Variants in SLC24A3 observed in about 807,000 individuals in gnomAD.
SLC24A3 encodes sodium/potassium/calcium exchanger 3.
A neutral mutation model predicts 75.8 loss-of-function variants in SLC24A3; 28 were observed. That is an observed-to-expected ratio of 0.37 (90% CI 0.27 to 0.51). The LOEUF is 0.51. SLC24A3 is among the 20% of genes least tolerant of loss of function. The probability of loss-of-function intolerance (pLI) is 0.94; values close to 1 mark genes in which losing one functional copy is unlikely to be tolerated. For missense variants in SLC24A3, 663 were observed against 847.8 expected, an observed-to-expected ratio of 0.78 and a Z score of 2.71; for synonymous variants, 372 against 334.1, an observed-to-expected ratio of 1.11 and a Z score of -1.24.
chr20:19,473,646 A>G (rs1987911993), intron 2 of SLC24A3, among the ~76,000 whole-genome samples: 1 of 152,198 alleles, frequency 6.6e-6, no homozygotes, highest in Non-Finnish European at 1.5e-5. Flanking sequence ...CCAGCCTCTG[A>G]GCTCTCTCTG....
chr20:19,535,595 G>A (rs554677247), intron 3 of SLC24A3, among the ~76,000 whole-genome samples: 9 of 152,314 alleles, frequency 5.9e-5, no homozygotes, highest in African/African-American at 1.9e-4. Flanking sequence ...TGATTTTCAA[G>A]CCAAAGAGAA....
At chr20:19,539,063 T>G (rs932155571) in intron 3 of SLC24A3, among the ~76,000 whole-genome samples, 2 of 152,194 alleles carry the variant, frequency 1.3e-5, no homozygotes, top group Admixed American at 1.3e-4. Context: ...AACTAGTCAG[T>G]GGTGATAGAA....
chr20:19,401,208 C>T (rs550920510), intron 2 of SLC24A3, among the ~76,000 whole-genome samples: 1 of 152,334 alleles, frequency 6.6e-6, no homozygotes, highest in African/African-American at 2.4e-5. Context: ...AGGCAAACCT[C>T]TGAGGTCAGA....
At chr20:19,381,861 C>A (rs1272919020) in intron 2 of SLC24A3, among the ~76,000 whole-genome samples, 2 of 152,132 alleles carry the variant, frequency 1.3e-5, no homozygotes, top group African/African-American at 2.4e-5. Context: ...CTGCGTTTGT[C>A]TAGCAACATG....
At chr20:19,718,386 G>T (rs1431561484) in intron 16 of SLC24A3, among the ~76,000 whole-genome samples, 3 of 152,224 alleles carry the variant, frequency 2.0e-5, no homozygotes, top group African/African-American at 7.2e-5. Context: ...AGGTCCTGCA[G>T]TTCTGCTATG....
chr20:19,427,062 T>C (rs1987020148), intron 2 of SLC24A3, among the ~76,000 whole-genome samples: 2 of 152,102 alleles, frequency 1.3e-5, no homozygotes, highest in South Asian at 4.2e-4. Context: ...TGTGCGTGTG[T>C]GTGTGCATGT....
intron 2 of SLC24A3, among the ~76,000 whole-genome samples, chr20:19,472,741 C>T (rs765518126): frequency 3.3e-5 from 5 of 152,164 alleles, no homozygotes; most frequent in East Asian, 1.9e-4. Flanking sequence ...GGATTGTGGA[C>T]GTCCCCACTA....
chr20:19,411,382 G>A (rs1439647142), intron 2 of SLC24A3, among the ~76,000 whole-genome samples: 31 of 152,242 alleles, frequency 2.0e-4, no homozygotes, highest in Non-Finnish European at 5.9e-5. Context: ...TCAGAACTCT[G>A]TGGTATCCTG....
intron 2 of SLC24A3, among the ~76,000 whole-genome samples, chr20:19,368,758 C>G (rs1985941135): frequency 1.3e-5 from 2 of 152,212 alleles, no homozygotes; most frequent in Admixed American, 6.5e-5. Context: ...TACATCTATT[C>G]TGAAACAAAA....
chr20:19,515,344 C>G, intron 2 of SLC24A3, 144 bp from the exon 3 acceptor site: 1 of 757,574 alleles, frequency 1.3e-6, no homozygotes, highest in Non-Finnish European at 2.2e-6. Context: ...ACACTAAATT[C>G]TGGTTAGTTT....
intron 3 of SLC24A3, among the ~76,000 whole-genome samples, chr20:19,571,944 G>C (rs181408442): frequency 5.6e-4 from 86 of 152,286 alleles, no homozygotes; most frequent in Admixed American, 1.2e-3. Flanking sequence ...AGCAGACCTT[G>C]AGACAAGGAT....
At chr20:19,371,233 G>A (rs1405178795) in intron 2 of SLC24A3, among the ~76,000 whole-genome samples, 1 of 152,164 alleles carries the variant, frequency 6.6e-6, no homozygotes, top group Non-Finnish European at 1.5e-5. Context: ...AGGCCAACTG[G>A]GAGGTAGGGG....
At chr20:19,348,886 T>C (rs976522744) in intron 2 of SLC24A3, among the ~76,000 whole-genome samples, 1 of 152,162 alleles carries the variant, frequency 6.6e-6, no homozygotes, top group South Asian at 2.1e-4. Flanking sequence ...CTGCTTCTTA[T>C]ATATCACCAG....
chr20:19,451,318 A>G (rs1270561904), intron 2 of SLC24A3, among the ~76,000 whole-genome samples: 1 of 152,218 alleles, frequency 6.6e-6, no homozygotes, highest in Middle Eastern at 3.2e-3. Flanking sequence ...ACAACTGTGT[A>G]TGACTATTCT....
chr20:19,330,128 G>A (rs1435240034), intron 2 of SLC24A3, among the ~76,000 whole-genome samples: 1 of 152,310 alleles, frequency 6.6e-6, no homozygotes. Flanking sequence ...AAACAAAATC[G>A]TGCCTTAGGA....
chr20:19,464,624 T>G (rs1248173873), intron 2 of SLC24A3, among the ~76,000 whole-genome samples: 2 of 152,250 alleles, frequency 1.3e-5, no homozygotes, highest in Admixed American at 1.3e-4. Flanking sequence ...GGGGCCTGTT[T>G]GTTAGTACTT....
At chr20:19,611,925 G>A (rs1491002578) in intron 6 of SLC24A3, among the ~76,000 whole-genome samples, 4 of 152,090 alleles carry the variant, frequency 2.6e-5, no homozygotes, top group South Asian at 2.1e-4. Flanking sequence ...CAGGCTCCCC[G>A]TTGCCCTGGC....
At chr20:19,606,802 T>C (rs2031603548) in intron 6 of SLC24A3, among the ~76,000 whole-genome samples, 1 of 152,104 alleles carries the variant, frequency 6.6e-6, no homozygotes, top group African/African-American at 2.4e-5. Context: ...GAACTGGTGG[T>C]CAGAACAGGG....
intron 7 of SLC24A3, among the ~76,000 whole-genome samples, chr20:19,659,692 T>TA (rs1364610374): frequency 6.6e-6 from 1 of 152,156 alleles, no homozygotes; most frequent in African/African-American, 2.4e-5. Context: ...CAGGGACCGG[T>TA]AATACCTCGA....
Sources: gnomAD v4.1 joint callset for allele counts (sites outside exome capture counted in the v4.1 genomes callset) on GRCh38, gnomAD v4.1.1 for gene constraint, MANE v1.5 for transcripts, NCBI Gene and HGNC (gene_info 2026-07-23, HGNC 2026-07-21) for gene names.